Variants in PDXDC1 observed in about 807,000 individuals in gnomAD.
PDXDC1 encodes the protein pyridoxal-dependent decarboxylase domain-containing protein 1.
PDXDC1 carries 42 observed loss-of-function variants against 100.1 expected under a neutral mutation model. The observed-to-expected ratio is 0.42, with a 90% CI of 0.33 to 0.54. The LOEUF (loss-of-function observed/expected upper bound fraction) is 0.54, where lower values mean the gene tolerates loss of function less well. PDXDC1 is among the 20% of genes least tolerant of loss of function. The probability of loss-of-function intolerance (pLI) is 0.10; values close to 1 mark genes in which losing one functional copy is unlikely to be tolerated. For missense variants in PDXDC1, 636 were observed against 979.2 expected, an observed-to-expected ratio of 0.65 and a Z score of 4.68; for synonymous variants, 260 against 371.7, an observed-to-expected ratio of 0.70 and a Z score of 3.46.
intron 11 of PDXDC1, among the ~76,000 whole-genome samples, chr16:15,018,014 G>T (rs1419733815): frequency 6.6e-6 from 1 of 152,072 alleles, no homozygotes; most frequent in Non-Finnish European, 1.5e-5. Context: ...TGTTGAACTC[G>T]CGATCTCAGG....
chr16:15,044,284 G>T, intron 16 of PDXDC1: 1 of 1,252,604 alleles, frequency 8.0e-7, no homozygotes, highest in South Asian at 1.2e-5. Context: ...AGCAAATATG[G>T]GTACATATTT....
chr16:15,006,090 A>G (rs1371378103), intron 5 of PDXDC1, among the ~76,000 whole-genome samples: 1 of 152,302 alleles, frequency 6.6e-6, no homozygotes, highest in Non-Finnish European at 1.5e-5. Context: ...TTAGTTCATA[A>G]TAAGCCAGAA....
At chr16:15,144,143 G>A (rs556790697), downstream of PDXDC1, among the ~76,000 whole-genome samples, 10 of 152,234 alleles carry the variant, frequency 6.6e-5, no homozygotes, top group South Asian at 4.1e-4. Context: ...CCCCAGGCCC[G>A]TCCCTCCCGA....
intron 19 of PDXDC1, 50 bp from the exon 20 acceptor site, chr16:15,034,236 C>T (rs752643371): frequency 2.0e-6 from 3 of 1,522,354 alleles, no homozygotes; most frequent in East Asian, 2.3e-5. Context: ...CTCTTCTGGG[C>T]CCCAGGTGAG....
intron 16 of PDXDC1, chr16:15,108,120 A>C (rs1290173023): frequency 2.3e-6 from 2 of 872,178 alleles, no homozygotes; most frequent in African/African-American, 3.6e-5. Context: ...AATAGGTGAC[A>C]ACTGCAAACC....
chr16:15,020,471 A>ACC (rs1389849457), intron 12 of PDXDC1, among the ~76,000 whole-genome samples: 1 of 152,050 alleles, frequency 6.6e-6, no homozygotes. Context: ...TGGGCAGATC[A>ACC]TGAGGTCAGG....
intron 16 of PDXDC1, among the ~76,000 whole-genome samples, chr16:15,044,110 T>C (rs1302773016): frequency 6.6e-6 from 1 of 152,098 alleles, no homozygotes; most frequent in Non-Finnish European, 1.5e-5. Flanking sequence ...TTCACTGCTG[T>C]TTTAGTAGAA....
intron 16 of PDXDC1, among the ~76,000 whole-genome samples, chr16:15,117,801 A>C (rs1166154156): frequency 1.4e-5 from 1 of 69,102 alleles, no homozygotes; most frequent in Non-Finnish European, 2.9e-5. Flanking sequence ...AGATATCTTC[A>C]TAACTCATAT....
At chr16:15,133,294 G>C (rs142108136) in intron 16 of PDXDC1, 93,867 of 1,565,834 alleles carry the variant, frequency 0.06, 5,953 homozygotes, top group East Asian at 0.36. Flanking sequence ...GGGCCAGCGA[G>C]TACTCGATGA....
chr16:15,041,240 A>G, downstream of PDXDC1: 1 of 726,286 alleles, frequency 1.4e-6, no homozygotes, highest in South Asian at 1.6e-5. Context: ...AAAATTCCAG[A>G]AAATGAAAGG....
chr16:15,082,708 T>C (rs1450643932), intron 16 of PDXDC1, among the ~76,000 whole-genome samples: 2 of 152,052 alleles, frequency 1.3e-5, no homozygotes, highest in African/African-American at 4.8e-5. Context: ...CTTGCATTCT[T>C]AACATCAGTC....
intron 16 of PDXDC1, chr16:15,085,981 G>T: frequency 1.5e-6 from 1 of 670,728 alleles, no homozygotes; most frequent in South Asian, 2.0e-5. Context: ...CCTCCATAGG[G>T]GTCATTACGG....
intron 16 of PDXDC1, among the ~76,000 whole-genome samples, chr16:15,030,541 T>C (rs2042982090): frequency 2.0e-5 from 1 of 48,998 alleles, no homozygotes; most frequent in Non-Finnish European, 4.4e-5. Flanking sequence ...GGAGACTCCA[T>C]CTCAAAAAAA....
chr16:15,096,822 C>G (rs1286253870), intron 16 of PDXDC1, among the ~76,000 whole-genome samples: 24 of 152,314 alleles, frequency 1.6e-4, no homozygotes, highest in South Asian at 4.1e-4. Context: ...CCCACACCAC[C>G]AAGCCCAGCT....
intron 16 of PDXDC1, chr16:15,083,604 A>G (rs1308985642): frequency 6.3e-7 from 1 of 1,587,576 alleles, no homozygotes; most frequent in Non-Finnish European, 8.6e-7. Context: ...AAATTAAATC[A>G]ATCCATGTTA....
In PDXDC1 at chr16:15,033,121, C is replaced by T. The variant is rs1409689672; in HGVS notation, c.1690+142C>T. ...AAGATGCGGTTCTGAGACCTCCCTC[C>T]CCTTCTGCAGCCTTGCCAGGCCTTT... On this transcript the variant is annotated intron_variant, in intron 18 of 22. Coordinates refer to ENST00000396410, the MANE Select transcript of PDXDC1 (RefSeq NM_015027.4). 9 of 981,120 alleles carry T rather than the reference C, an allele frequency of 9.2e-6. No homozygotes were observed. The East Asian group carries it at 2.2e-4, about 23-fold the overall frequency. 60.8% of individuals were successfully genotyped at this position (981,120 alleles called of 1,614,324 possible).
chr16:14,999,310 G>A (rs1168522438), intron 3 of PDXDC1, among the ~76,000 whole-genome samples: 3 of 152,238 alleles, frequency 2.0e-5, no homozygotes, highest in Non-Finnish European at 2.9e-5. Context: ...CAGGTGATCC[G>A]CCTGCCTTAG....
chr16:15,131,389 A>C, intron 16 of PDXDC1: 6 of 1,599,302 alleles, frequency 3.8e-6, no homozygotes, highest in Non-Finnish European at 4.3e-6. Context: ...GTCCACCAGA[A>C]AGATGAGCTG....
At chr16:15,046,801 C>T (rs531854180) in intron 16 of PDXDC1, among the ~76,000 whole-genome samples, 64 of 150,428 alleles carry the variant, frequency 4.3e-4, no homozygotes, top group African/African-American at 1.5e-3. Context: ...CCTGAGTCCA[C>T]AAAGTCAAGG....
Sources: allele counts gnomAD v4.1 joint callset (sites outside exome capture counted in the v4.1 genomes callset), GRCh38; gene constraint gnomAD v4.1.1; transcripts MANE v1.5; gene names NCBI Gene and HGNC (gene_info 2026-07-23, HGNC 2026-07-21).